Variants in HMCN1 observed in about 807,000 individuals in gnomAD.
The protein encoded by HMCN1 is hemicentin-1.
Under a neutral mutation model 625.9 loss-of-function variants are expected in HMCN1, and 321 were observed. The observed-to-expected ratio is 0.51, with a 90% CI of 0.47 to 0.56. HMCN1 has a LOEUF of 0.56. HMCN1 is among the 20% of genes least tolerant of loss of function. HMCN1 has a pLI of 0.00. For synonymous variants in HMCN1, 2,425 were observed against 2,417.6 expected, an observed-to-expected ratio of 1.00 and a Z score of -0.09; for missense variants, 6,588 against 6,887.3, an observed-to-expected ratio of 0.96 and a Z score of 1.54.
intron 4 of HMCN1, among the ~76,000 whole-genome samples, chr1:185,906,749 C>G (rs1666115576): frequency 6.6e-6 from 1 of 151,438 alleles, no homozygotes; most frequent in Non-Finnish European, 1.5e-5. Flanking sequence ...TACTTGTTTT[C>G]TAATGTTTTT....
intron 74 of HMCN1, 77 bp downstream of exon 74, chr1:186,115,023 A>G: frequency 6.3e-7 from 1 of 1,595,882 alleles, no homozygotes; most frequent in Admixed American, 1.7e-5. Context: ...GAGGTCATAA[A>G]GATCTTGACA....
At chr1:185,739,290 C>A (rs1221883311) in intron 1 of HMCN1, among the ~76,000 whole-genome samples, 1 of 152,116 alleles carries the variant, frequency 6.6e-6, no homozygotes, top group Non-Finnish European at 1.5e-5. Context: ...TAGGTTGATT[C>A]CATGTCTTTG....
intron 40 of HMCN1, among the ~76,000 whole-genome samples, chr1:186,044,687 G>A (rs1026429628): frequency 5.9e-5 from 9 of 152,022 alleles, no homozygotes; most frequent in African/African-American, 2.2e-4. Flanking sequence ...ATTTTCTACA[G>A]CCCTGCATAG....
At chr1:185,993,924 A>G (rs1020560494) in intron 23 of HMCN1, among the ~76,000 whole-genome samples, 1 of 151,996 alleles carries the variant, frequency 6.6e-6, no homozygotes, top group Non-Finnish European at 1.5e-5. Flanking sequence ...AATCACCACA[A>G]TTGTGTCCCC....
chr1:185,855,928 A>G (rs1662437781), intron 2 of HMCN1, among the ~76,000 whole-genome samples: 1 of 152,154 alleles, frequency 6.6e-6, no homozygotes, highest in African/African-American at 2.4e-5. Flanking sequence ...AACATCTTTT[A>G]TTTAGATTTT....
intron 4 of HMCN1, among the ~76,000 whole-genome samples, chr1:185,882,781 A>G (rs1393798134): frequency 1.3e-5 from 2 of 152,084 alleles, no homozygotes; most frequent in Non-Finnish European, 2.9e-5. Flanking sequence ...TCAACTCTTC[A>G]AAGATTATAA....
At chr1:185,990,165 A>C (rs543911048) in intron 21 of HMCN1, 110 bp from the exon 22 acceptor site, 1 of 985,322 alleles carries the variant, frequency 1.0e-6, no homozygotes, top group East Asian at 2.4e-5. Context: ...CCTGAATAGC[A>C]TCTTTTTATA....
In HMCN1 at chr1:186,003,751, A is replaced by G. The variant is rs376910631; in HGVS notation, c.4382A>G (p.Asn1461Ser). 4.5e-5 allele frequency: 73 copies of G among 1,613,208 alleles called. No individual in the cohort carries two copies. The highest frequency in any genetic ancestry group is 4.0e-4 in the East Asian group (18 of 44,834). ...PPTIIGTNFP[N>S]EVSVVLNRDV... ...ACCATAATAGGTACCAACTTCCCAA[A>G]TGAAGTCTCAGTTGTCCTCAACCGT... Residue 1461 changes from asparagine to serine, a missense_variant, in exon 29 of 107, where the codon AAT (asparagine) becomes AGT (serine). This residue lies in a region of HMCN1 where 4,628 missense variants were observed against 4,853.1 expected (regional missense o/e 0.95). Transcript: ENST00000271588.
At chr1:185,767,505 T>A (rs1370711067) in intron 1 of HMCN1, among the ~76,000 whole-genome samples, 4 of 152,136 alleles carry the variant, frequency 2.6e-5, no homozygotes, top group Non-Finnish European at 2.9e-5. Context: ...AAGTAGAAAG[T>A]TTCTGGGTTC....
chr1:185,750,697 A>G (rs925444670), intron 1 of HMCN1, among the ~76,000 whole-genome samples: 1 of 152,106 alleles, frequency 6.6e-6, no homozygotes, highest in Admixed American at 6.6e-5. Context: ...TTTATAGTCA[A>G]ATTTAATCCT....
chr1:185,839,456 G>C (rs866699066), intron 1 of HMCN1, among the ~76,000 whole-genome samples: 13 of 152,114 alleles, frequency 8.5e-5, no homozygotes, highest in African/African-American at 2.7e-4. Context: ...GACTTAAAAT[G>C]TATCTTCTCT....
chr1:186,025,037 T>G (rs753906849), intron 36 of HMCN1, among the ~76,000 whole-genome samples: 62 of 152,202 alleles, frequency 4.1e-4, no homozygotes, highest in Non-Finnish European at 5.9e-4. Flanking sequence ...AGCTTGTTTT[T>G]CTGCAACTAG....
chr1:186,174,265 GA>G (rs1652424069), intron 102 of HMCN1, among the ~76,000 whole-genome samples: 1 of 152,058 alleles, frequency 6.6e-6, no homozygotes, highest in African/African-American at 2.4e-5. Flanking sequence ...TAGAGAAGGA[GA>G]AAAAAAGAAA....
At chr1:186,173,644 A>AAAAAG (rs921310811) in intron 102 of HMCN1, among the ~76,000 whole-genome samples, 33 of 150,882 alleles carry the variant, frequency 2.2e-4, no homozygotes, top group Middle Eastern at 6.9e-3. Context: ...CCATCTCAAA[A>AAAAAG]AAAAAAAAAA....
intron 4 of HMCN1, among the ~76,000 whole-genome samples, chr1:185,876,092 G>GTCTATTATTCCCC (rs775837820): frequency 2.6e-4 from 39 of 151,916 alleles, no homozygotes; most frequent in Non-Finnish European, 4.6e-4. Context: ...AGTCCTCAGT[G>GTCTATTATTCCCC]TCTATTATTC....
chr1:185,924,974 A>G (rs1667201655), intron 8 of HMCN1, 73 bp from the exon 9 acceptor site: 1 of 1,250,232 alleles, frequency 8.0e-7, no homozygotes, highest in Non-Finnish European at 1.1e-6. Context: ...TGAATGGATT[A>G]AGAGGCAGTA....
chr1:186,152,618 G>C (rs1375210611), intron 95 of HMCN1, 132 bp from the exon 96 acceptor site: 11 of 1,052,862 alleles, frequency 1.0e-5, no homozygotes, highest in Non-Finnish European at 1.6e-5. Flanking sequence ...TGCTATTTCA[G>C]TTCTCATCAT....
At chr1:185,900,728 A>G (rs1259658814) in intron 4 of HMCN1, among the ~76,000 whole-genome samples, 1 of 151,932 alleles carries the variant, frequency 6.6e-6, no homozygotes, top group African/African-American at 2.4e-5. Context: ...AGAGATTATT[A>G]GTATATTAGG....
chr1:186,149,910 A>G (rs1650563925), intron 93 of HMCN1, among the ~76,000 whole-genome samples: 1 of 152,196 alleles, frequency 6.6e-6, no homozygotes, highest in African/African-American at 2.4e-5. Context: ...TAAGTTCACC[A>G]TCTCATATGG....
Sources: gnomAD v4.1 joint callset for allele counts (sites outside exome capture counted in the v4.1 genomes callset) on GRCh38, gnomAD v4.1.1 for gene constraint, gnomAD v4.1.1 regional missense constraint, MANE v1.5 for transcripts, NCBI Gene and HGNC (gene_info 2026-07-23, HGNC 2026-07-21) for gene names.